Variants in TRPM2 observed in about 807,000 individuals in gnomAD.
TRPM2 encodes the protein estrogen-responsive element-associated gene 1 protein.
A neutral mutation model predicts 174.0 loss-of-function variants in TRPM2; 161 were observed. The observed-to-expected ratio is 0.93, with a 90% confidence interval of 0.81 to 1.05. TRPM2 has a LOEUF of 1.05. Among genes scored for constraint, TRPM2 ranks in the 50% least tolerant of loss-of-function variants. TRPM2 has a pLI of 0.00. For missense variants in TRPM2, 2,057 were observed against 2,038.0 expected (o/e 1.01, Z -0.18); for synonymous variants, 954 against 861.3 (o/e 1.11, Z -1.88).
At chr21:44,371,610 G>C (rs972652290) in intron 5 of TRPM2, among the ~76,000 whole-genome samples, 12 of 152,166 alleles carry the variant, frequency 7.9e-5, no homozygotes, top group Non-Finnish European at 1.8e-4. Flanking sequence ...AAGAACACTC[G>C]TGATGGCGTG....
intron 19 of TRPM2, 130 bp downstream of exon 19, chr21:44,406,895 T>A: frequency 1.6e-6 from 2 of 1,244,498 alleles, no homozygotes; most frequent in Admixed American, 5.1e-5. Flanking sequence ...CTGGCCGGTG[T>A]CCTCCCTGGG....
At position 44,354,609 on chromosome 21, in the gene TRPM2, G is replaced by T. The variant is rs374651396; in HGVS notation, c.166-39G>T. The T allele has an allele frequency of 1.3e-6, 2 of 1,583,268 alleles. No homozygotes were observed. The highest frequency in any genetic ancestry group is 1.1e-5 in the South Asian group (1 of 90,432). ...TCCAGGGGGCTGGGTGTGCTCTTTC[G>T]AATGTTGGAAGATCTCAGTGTGCTG... On this transcript the variant is annotated intron_variant, in intron 1 of 31. Transcript: ENST00000397928. The surrounding 1 kb of genome is among the most constrained non-coding windows in gnomAD (Gnocchi z 4.3).
chr21:44,369,356 C>T lies in TRPM2; in HGVS notation c.771+13C>T, dbSNP rs1023430945. The T allele has an allele frequency of 5.6e-6, 9 of 1,599,340 alleles. No individual in the cohort carries two copies. The highest frequency in any genetic ancestry group is 7.7e-6 in the Non-Finnish European group (9 of 1,170,390). ...GATCCATCCCACGGTGAGTGCGGCC[C>T]CCTAGGGAGGGGAGCCTAAGACCAG... On this transcript the variant is annotated intron_variant, in intron 5 of 31. Transcript: ENST00000397928.
At position 44,418,415 on chromosome 21, in the gene TRPM2, C is replaced by A. The variant is rs759469257; in HGVS notation, c.3329-8C>A. 6.2e-7 allele frequency: 1 copy of A among 1,613,640 alleles called. No individual in the cohort carries two copies. The highest frequency in any genetic ancestry group is 1.3e-5 in the African/African-American group (1 of 74,940). ...CAGGTCCCCTGGTCTGTCCGCCCACCCTGACAGAGAACAAGCTGGAGAAGA... is the reference window on the plus strand; with the variant it reads ...CAGGTCCCCTGGTCTGTCCGCCCACACTGACAGAGAACAAGCTGGAGAAGA... On this transcript the variant is annotated splice_polypyrimidine_tract_variant and splice_region_variant and intron_variant, in intron 21 of 31. Coordinates refer to ENST00000397928, the MANE Select transcript of TRPM2 (RefSeq NM_003307.4).
At chr21:44,419,757 AGTG>A (rs140387137) in intron 22 of TRPM2, among the ~76,000 whole-genome samples, 1,234 of 121,692 alleles carry the variant, frequency 0.01, 16 homozygotes, top group African/African-American at 0.039. Context: ...TGATGATGGC[AGTG>A]GTGGTGGTGG....
chr21:44,425,145 CT>C, intron 24 of TRPM2: 1 of 569,266 alleles, frequency 1.8e-6, no homozygotes, highest in East Asian at 2.9e-5. Flanking sequence ...AATCCCTGAC[CT>C]GACCTGGTTC....
intron 11 of TRPM2, among the ~76,000 whole-genome samples, chr21:44,392,345 C>A (rs2049205730): frequency 6.6e-6 from 1 of 152,024 alleles, no homozygotes; most frequent in Non-Finnish European, 1.5e-5. Context: ...GTACCTTCCA[C>A]CTCCCAGGCT....
rs564482523 is a variant in TRPM2 at position 44,381,588 on chromosome 21, G to A, written c.1216-1130G>A. ...AGGTAGATTAGATGGATGGATGGAT[G>A]GATAGATAGATAGACAGACAGGTGA... On this transcript the variant is annotated intron_variant, in intron 8 of 31. Transcript: ENST00000397928. Among the ~76,000 whole-genome samples the A allele has an allele frequency of 1.0e-3, 152 of 152,002 alleles. 5 individuals are homozygous for A. In the South Asian group the frequency reaches 0.031, roughly 31 times the overall value.
At chr21:44,403,553 CAT>C (rs890773291) in intron 16 of TRPM2, among the ~76,000 whole-genome samples, 3 of 150,584 alleles carry the variant, frequency 2.0e-5, no homozygotes, top group African/African-American at 7.4e-5. Context: ...GGCACACACA[CAT>C]ACATACATGC....
At position 44,366,765 on chromosome 21, in the gene TRPM2, C is replaced by A; in HGVS notation, c.435C>A (p.Val145=). 2 of 1,614,010 alleles carry A rather than the reference C, an allele frequency of 1.2e-6. No homozygotes were observed. The highest frequency in any genetic ancestry group is 1.1e-5 in the South Asian group (1 of 91,072). Residue 145 remains valine (V), a synonymous_variant, in exon 4 of 32, where the codon GTC becomes GTA. Transcript: ENST00000397928. This position sits in a 1 kb window ranked among gnomAD's most constrained non-coding sequence, Gnocchi z 6.0. ...TCCCTTTCCCGCAGTACGTCCGAGTCTCCCAGGACACGCCCTCCAGCGTGA... is the reference window on the plus strand; with the variant it reads ...TCCCTTTCCCGCAGTACGTCCGAGTATCCCAGGACACGCCCTCCAGCGTGA... ...LSQKVKKYVR[V]SQDTPSSVIY...
chr21:44,424,064 G>T, intron 23 of TRPM2, among the ~76,000 whole-genome samples: 1 of 152,278 alleles, frequency 6.6e-6, no homozygotes, highest in Non-Finnish European at 1.5e-5. Flanking sequence ...TGGAGAGGCC[G>T]CAAGACCGAG....
At position 44,414,023 on chromosome 21, in the gene TRPM2, A is replaced by G; in HGVS notation, c.3095A>G (p.Tyr1032Cys). 2 of 1,613,166 alleles carry G rather than the reference A, an allele frequency of 1.2e-6. No homozygotes were observed. Among genetic ancestry groups the G allele is most frequent in the Non-Finnish European group, 1.7e-6 (2 of 1,179,890 alleles). Residue 1032 changes from tyrosine (Y) to cysteine (C), a missense_variant, in exon 20 of 32, where the codon TAC (tyrosine) becomes TGC (cysteine). Tyr to Cys is a radical substitution (Grantham distance 194, BLOSUM62 -2). Transcript: ENST00000397928. ...EWLTVLLLCL[Y>C]LLFTNILLLN... ...CTGACGGTCCTCCTACTCTGCCTCT[A>G]CCTGCTCTTCACCAACATCCTGCTG...
intron 17 of TRPM2, 108 bp from the exon 18 acceptor site, chr21:44,405,797 C>T: frequency 7.2e-7 from 1 of 1,394,556 alleles, no homozygotes; most frequent in Non-Finnish European, 9.7e-7. Context: ...GAGCCCTTTG[C>T]CTCCAGGGCC....
At chr21:44,392,770 G>T (rs890089679) in intron 11 of TRPM2, among the ~76,000 whole-genome samples, 1 of 152,088 alleles carries the variant, frequency 6.6e-6, no homozygotes, top group Non-Finnish European at 1.5e-5. Context: ...AGTACAAAAG[G>T]TTCTGCAGGG....
chr21:44,424,973 A>G lies in TRPM2; in HGVS notation c.3637+34A>G, dbSNP rs201583348. 33 of 1,558,084 alleles carry G rather than the reference A, an allele frequency of 2.1e-5. No homozygotes were observed. The East Asian group carries it at 7.2e-4, about 34-fold the overall frequency. On this transcript the variant is annotated intron_variant, in intron 24 of 31. Transcript: ENST00000397928. ...GTGGCCAGGCCAGCAGCTGGTCTCCAGCCGCCTGTTTCTTTTGGGTCTGGG... is the reference window on the plus strand; with the variant it reads ...GTGGCCAGGCCAGCAGCTGGTCTCCGGCCGCCTGTTTCTTTTGGGTCTGGG...
In TRPM2 at chr21:44,441,870, A is replaced by G. The variant is rs139036302; in HGVS notation, c.*53A>G. On this transcript the variant is annotated 3_prime_UTR_variant, in exon 32 of 32. Transcript: ENST00000397928. ...TCCATAGACGTTCCCCCCAGAAACC[A>G]GGGCTTCTCTCTCCTGAGCCTGGCC... 2,644 of 1,535,874 alleles carry G rather than the reference A, an allele frequency of 1.7e-3. 34 individuals are homozygous for G. In the African/African-American group the frequency reaches 0.031, roughly 18 times the overall value.
At position 44,441,988 on chromosome 21, in the gene TRPM2, A is replaced by C; in HGVS notation, c.*171A>C. 2 of 1,003,482 alleles carry C rather than the reference A, an allele frequency of 2.0e-6. No individual in the cohort carries two copies. Among genetic ancestry groups the C allele is most frequent in the Non-Finnish European group, 2.7e-6 (2 of 741,482 alleles). 62.2% of individuals were successfully genotyped at this position (1,003,482 alleles called of 1,614,324 possible). On this transcript the variant is annotated 3_prime_UTR_variant, in exon 32 of 32. Transcript: ENST00000397928. Reference sequence around the variant, plus strand: ...CCGCAAGTCTGCTGCAGATGACCTCATGAACTGGAAGGGGTCAAGGTGACC... The same window carrying C: ...CCGCAAGTCTGCTGCAGATGACCTCCTGAACTGGAAGGGGTCAAGGTGACC...
chr21:44,403,499 C>T (rs1303735498), intron 16 of TRPM2, among the ~76,000 whole-genome samples: 1 of 151,478 alleles, frequency 6.6e-6, no homozygotes, highest in East Asian at 1.9e-4. Context: ...CATACAGGTA[C>T]ATGCACACAC....
At chr21:44,353,938 A>G (rs1001039144) in intron 1 of TRPM2, 73 bp downstream of exon 1, 1 of 1,520,956 alleles carries the variant, frequency 6.6e-7, no homozygotes, top group Non-Finnish European at 8.8e-7. Context: ...TCATAGCTTG[A>G]GGCTGTGACG....
Sources: gnomAD v4.1 joint callset for allele counts (sites outside exome capture counted in the v4.1 genomes callset) on GRCh38, gnomAD v4.1.1 for gene constraint, Gnocchi (gnomAD v3.1) non-coding constraint, MANE v1.5 for transcripts, NCBI Gene and HGNC (gene_info 2026-07-23, HGNC 2026-07-21) for gene names.